The following CDH18 variants were observed in gnomAD, a reference collection of about 807,000 sequenced individuals.
The protein encoded by CDH18 is cadherin 18, also known as cadherin-18.
In CDH18, 31 loss-of-function variants were observed where a neutral mutation model predicts 67.9. The observed-to-expected ratio is 0.46, with a 90% CI of 0.34 to 0.62. The LOEUF is 0.62. CDH18 is among the 20% of genes least tolerant of loss of function. CDH18 has a pLI of 0.01. For missense variants in CDH18, 890 were observed against 975.5 expected (o/e 0.91, Z 1.17); for synonymous variants, 362 against 347.2 (o/e 1.04, Z -0.48).
At chr5:20,164,297 A>AT (rs1194848397) in intron 2 of CDH18, among the ~76,000 whole-genome samples, 4 of 151,784 alleles carry the variant, frequency 2.6e-5, no homozygotes, top group South Asian at 2.1e-4. Flanking sequence ...TGTTTTTTGT[A>AT]TTTTTTCAGA....
intron 1 of CDH18, among the ~76,000 whole-genome samples, chr5:20,312,031 A>G (rs1737044231): frequency 6.6e-6 from 1 of 152,134 alleles, no homozygotes; most frequent in Non-Finnish European, 1.5e-5. Flanking sequence ...TGGTGGGTAC[A>G]ATTAGCCATA....
At chr5:20,304,112 A>G (rs1736196818) in intron 1 of CDH18, 1 of 1,609,846 alleles carries the variant, frequency 6.2e-7, no homozygotes, top group South Asian at 1.1e-5. Context: ...GTTTACCCGA[A>G]TCAACATGGT....
In CDH18 at chr5:19,712,990, A is replaced by T. The variant is rs532695939; in HGVS notation, c.643+8357T>A. Among the ~76,000 whole-genome samples, 7 of 152,038 alleles carry T rather than the reference A, an allele frequency of 4.6e-5. No individual in the cohort carries two copies. In the East Asian group the frequency reaches 1.2e-3, roughly 25 times the overall value. ...TATGTTTAATCAGGTTTAAAGACTAAAGAACACAATCGCAATGTTTCCTGT... is the reference window on the plus strand; with the variant it reads ...TATGTTTAATCAGGTTTAAAGACTATAGAACACAATCGCAATGTTTCCTGT... On this transcript the variant is annotated intron_variant, in intron 5 of 12. Coordinates refer to ENST00000382275, the MANE Select transcript of CDH18 (RefSeq NM_004934.5).
chr5:20,527,381 G>A (rs1756137111), intron 1 of CDH18, among the ~76,000 whole-genome samples: 1 of 151,908 alleles, frequency 6.6e-6, no homozygotes, highest in Non-Finnish European at 1.5e-5. Context: ...GGCAAGACAA[G>A]CCATTATTCA....
At chr5:20,311,180 G>A (rs192945802) in intron 1 of CDH18, among the ~76,000 whole-genome samples, 20 of 152,174 alleles carry the variant, frequency 1.3e-4, no homozygotes, top group Admixed American at 9.2e-4. Context: ...AAATAGGAAC[G>A]CTTTTACACT....
chr5:19,974,668 T>C (rs562040327), intron 2 of CDH18, among the ~76,000 whole-genome samples: 15 of 152,116 alleles, frequency 9.9e-5, no homozygotes, highest in South Asian at 4.2e-4. Flanking sequence ...GAGGTGCAGA[T>C]ATAGCAGGCA....
chr5:19,514,435 T>C (rs769971906), intron 10 of CDH18, among the ~76,000 whole-genome samples: 8 of 152,220 alleles, frequency 5.3e-5, no homozygotes, highest in Non-Finnish European at 8.8e-5. Context: ...TCTTCCACAA[T>C]GGTTGAACTA....
At chr5:20,103,502 G>A (rs1164190352) in intron 2 of CDH18, among the ~76,000 whole-genome samples, 1 of 149,554 alleles carries the variant, frequency 6.7e-6, no homozygotes, top group Non-Finnish European at 1.5e-5. Flanking sequence ...GAGGCAGGGA[G>A]ATCACGAGGT....
chr5:19,678,547 C>T (rs1449644140), intron 5 of CDH18, among the ~76,000 whole-genome samples: 1 of 151,826 alleles, frequency 6.6e-6, no homozygotes, highest in Admixed American at 6.6e-5. Flanking sequence ...CTCAAATTAA[C>T]AATCTACTGT....
intron 1 of CDH18, among the ~76,000 whole-genome samples, chr5:20,283,505 A>G (rs1746448824): frequency 6.7e-6 from 1 of 150,212 alleles, no homozygotes; most frequent in Non-Finnish European, 1.5e-5. Context: ...AAAGATGTTC[A>G]TGATCACGGA....
chr5:20,159,157 T>C (rs1239438950), intron 2 of CDH18, among the ~76,000 whole-genome samples: 3 of 152,162 alleles, frequency 2.0e-5, no homozygotes, highest in Non-Finnish European at 2.9e-5. Flanking sequence ...TTCTAATCTT[T>C]AGTTTGTCTG....
chr5:20,131,189 C>A (rs1174003179), intron 2 of CDH18, among the ~76,000 whole-genome samples: 1 of 151,778 alleles, frequency 6.6e-6, no homozygotes, highest in Non-Finnish European at 1.5e-5. Context: ...TAGTTTTGGG[C>A]TGCTTTTTTG....
chr5:19,544,606 T>C (rs1736000692), intron 8 of CDH18, among the ~76,000 whole-genome samples: 1 of 152,178 alleles, frequency 6.6e-6, no homozygotes, highest in African/African-American at 2.4e-5. Flanking sequence ...TCAATTCATG[T>C]AATTTTGTAG....
At chr5:19,646,625 G>T (rs1754779921) in intron 5 of CDH18, among the ~76,000 whole-genome samples, 1 of 152,114 alleles carries the variant, frequency 6.6e-6, no homozygotes, top group Non-Finnish European at 1.5e-5. Context: ...ATAGGTGTGA[G>T]CCACCACGCC....
intron 2 of CDH18, among the ~76,000 whole-genome samples, chr5:20,115,354 C>T (rs1333489191): frequency 7.4e-6 from 1 of 134,678 alleles, no homozygotes; most frequent in Non-Finnish European, 1.5e-5. Context: ...TCTCAGCTCA[C>T]TGCAACCTCC....
intron 2 of CDH18, among the ~76,000 whole-genome samples, chr5:19,863,684 T>C (rs1785145749): frequency 7.0e-6 from 1 of 143,628 alleles, no homozygotes; most frequent in Admixed American, 6.7e-5. Flanking sequence ...TTATTGCCCC[T>C]GGCAGCAGGT....
intron 1 of CDH18, among the ~76,000 whole-genome samples, chr5:20,269,350 A>C (rs2126658765): frequency 6.6e-6 from 1 of 151,616 alleles, no homozygotes; most frequent in East Asian, 1.9e-4. Flanking sequence ...ATAGAACTGC[A>C]ATTCGATCTA....
Position 19,738,909 on chromosome 5 carries a change from T to A in CDH18, c.523+8033A>T, listed in dbSNP as rs532639637. On this transcript the variant is annotated intron_variant, in intron 4 of 12. Transcript: ENST00000382275. ...TACCGTTGAACTTAAAATATAAGTT[T>A]AAAAAAAGTAAATGGAAAGACTGAG... Among the ~76,000 whole-genome samples the A allele has an allele frequency of 3.9e-5, 6 of 152,194 alleles. No homozygotes were observed. The South Asian group carries it at 1.2e-3, about 32-fold the overall frequency.
chr5:20,032,592 T>C (rs962041059), intron 2 of CDH18, among the ~76,000 whole-genome samples: 4 of 152,036 alleles, frequency 2.6e-5, no homozygotes, highest in Non-Finnish European at 5.9e-5. Flanking sequence ...GTGCCAGGCT[T>C]AGTAGTAGAC....
Sources: allele counts gnomAD v4.1 joint callset (sites outside exome capture counted in the v4.1 genomes callset), GRCh38; gene constraint gnomAD v4.1.1; transcripts MANE v1.5; gene names NCBI Gene and HGNC (gene_info 2026-07-23, HGNC 2026-07-21).